MUC4: variants seen among roughly 807,000 people sequenced by gnomAD.
The protein encoded by MUC4 is mucin-4.
In MUC4, 202 loss-of-function variants were observed where a neutral mutation model predicts 257.9. That is an observed-to-expected ratio of 0.78 (90% confidence interval 0.70 to 0.88). MUC4 has a LOEUF of 0.88. Ranked by LOEUF, MUC4 falls within the 40% of genes least tolerant of loss-of-function variation. The pLI, the probability that MUC4 is intolerant of heterozygous loss-of-function variation, is 0.00. For missense variants in MUC4, 5,976 were observed against 6,513.7 expected (o/e 0.92, Z 2.84); for synonymous variants, 2,351 against 2,757.1 (o/e 0.85, Z 4.62).
intron 18 of MUC4, among the ~76,000 whole-genome samples, 154 bp from the exon 19 acceptor site, chr3:195,754,526 G>GT (rs1182463652): frequency 2.0e-5 from 3 of 152,242 alleles, no homozygotes; most frequent in Non-Finnish European, 4.4e-5. Flanking sequence ...TGACCAGGCC[G>GT]TGGGGCGGCA....
At position 195,786,509 on chromosome 3, in the gene MUC4, T is replaced by G; in HGVS notation, c.5071A>C (p.Thr1691Pro). The change falls in exon 2 of 25, where the codon ACA becomes CCA. Residue 1691 changes from threonine to proline, a missense_variant. Coordinates refer to ENST00000463781, the MANE Select transcript of MUC4 (RefSeq NM_018406.7). The stretch of plus-strand genomic sequence containing the variant: ...ACAGGAAGACGGGTGGTGTCATCTG[T>G]GGTAGCTGAGGAAAGGCCGGTGACA... ...LPVTGLSSAT[T>P]DDTTRLPVTD... 3 of 1,525,828 alleles carry G rather than the reference T, an allele frequency of 2.0e-6. No homozygotes were observed. The highest frequency in any genetic ancestry group is 2.5e-5 in the East Asian group (1 of 40,050). 94.5% of individuals were successfully genotyped at this position (1,525,828 alleles called of 1,614,324 possible).
rs377194680 is a variant in MUC4 at position 195,761,076 on chromosome 3, G to A, written c.14656C>T (p.Gln4886Ter). ...ACAGGGGTGAAGTTGGAAGGCAGCT[G>A]GTCATTCCTCTTGCCAAGGAGGCCT... is the stretch of plus-strand genomic sequence containing the variant. ...GTGLLGKRND[Q>*]LPSNFTPVFY... is the part of the protein sequence containing the mutation. Residue 4886 changes from glutamine to a stop codon, truncating the protein, a stop_gained, in exon 16 of 25, where the codon CAG becomes TAG. Transcript: ENST00000463781. LOFTEE classifies it high-confidence loss of function. 6 of 1,614,092 alleles carry A rather than the reference G, an allele frequency of 3.7e-6. No individual in the cohort carries two copies. In the East Asian group the frequency reaches 8.9e-5, roughly 24 times the overall value.
In MUC4 at chr3:195,769,646, T is replaced by C. The variant is rs143234947; in HGVS notation, c.13399-494A>G. On this transcript the variant is annotated intron_variant, in intron 6 of 24. Transcript: ENST00000463781. The stretch of plus-strand genomic sequence containing the variant: ...AACTTTTGTCGAGTGAATGAAGAAA[T>C]GAGTGACTTTAGACCAGGCATAAGG... 3.4e-3 allele frequency: 559 copies of C among 162,998 alleles called. 2 individuals are homozygous for C. The highest frequency in any genetic ancestry group is 5.9e-3 in the Non-Finnish European group (439 of 74,664). The allele number at this position is 162,998 out of a possible 1,614,324, so 10.1% of individuals were successfully genotyped here. A position where few individuals can be genotyped will look rare whatever the true frequency, so the allele number is the denominator to read the frequency against.
At chr3:195,760,749 T>G (rs1718709589) in intron 16 of MUC4, 135 bp downstream of exon 16, 1 of 742,988 alleles carries the variant, frequency 1.3e-6, no homozygotes, top group Admixed American at 2.2e-5. Context: ...CTGAAGGGTT[T>G]GAGCAGAGGA....
In MUC4 at chr3:195,753,190, A is replaced by G. The variant is rs201120166; in HGVS notation, c.15369T>C (p.Pro5123=). ...GGCCTTGATTGTAGCAGTAATTCACAGGGCAGGACTGGTTCTGACACAGGA... is the reference window on the plus strand; with the variant it reads ...GGCCTTGATTGTAGCAGTAATTCACGGGGCAGGACTGGTTCTGACACAGGA... The part of the protein sequence containing the change: ...SSFLCQNQSC[P]VNYCYNQGHC... The change falls in exon 20 of 25, where the codon CCT becomes CCC. Residue 5123 remains proline (P), a synonymous_variant. Transcript: ENST00000463781. The G allele has an allele frequency of 1.2e-5, 19 of 1,613,708 alleles. No individual in the cohort carries two copies. The African/African-American group carries it at 1.9e-4, about 16-fold the overall frequency.
intron 3 of MUC4, among the ~76,000 whole-genome samples, chr3:195,775,813 G>A (rs563551133): frequency 4.6e-4 from 3 of 6,454 alleles, no homozygotes; most frequent in South Asian, 4.5e-3. Context: ...TACCTTCCAC[G>A]GCCATACCTT....
chr3:195,771,432 G>GGGTA, intron 5 of MUC4, among the ~76,000 whole-genome samples: 1 of 151,646 alleles, frequency 6.6e-6, no homozygotes, highest in Non-Finnish European at 1.5e-5. Flanking sequence ...CAGTCTCGTG[G>GGGTA]TTGGGTTGGG....
chr3:195,781,309 GGGGTGGCGTGACCTGTGGA>G lies in MUC4; in HGVS notation c.10252_10270del (p.Ser3418LeufsTer835), dbSNP rs1727790215. On this transcript the variant is annotated frameshift_variant, in exon 2 of 25. Transcript: ENST00000463781. LOFTEE classifies it high-confidence loss of function. Reference sequence around the variant, plus strand: ...TGAGGAAGTGCTGGTGACAGGAAGAGGGGTGGCGTGACCTGTGGATGCTGAGGAAGGGCTAGTGACAGGA... The same window carrying G: ...TGAGGAAGTGCTGGTGACAGGAAGAGTGCTGAGGAAGGGCTAGTGACAGGA... 2 of 1,431,362 alleles carry G rather than the reference GGGGTGGCGTGACCTGTGGA, an allele frequency of 1.4e-6. No individual in the cohort carries two copies. The highest frequency in any genetic ancestry group is 2.9e-5 in the African/African-American group (2 of 69,300). The allele number at this position is 1,431,362 out of a possible 1,614,324, so 88.7% of individuals were successfully genotyped here. A position where few individuals can be genotyped will look rare whatever the true frequency, so the allele number is the denominator to read the frequency against.
At chr3:195,771,598 G>T (rs1046397115) in intron 5 of MUC4, 54 bp downstream of exon 5, 6 of 1,584,852 alleles carry the variant, frequency 3.8e-6, no homozygotes, top group Admixed American at 3.5e-5. Flanking sequence ...ACAGCTCTTT[G>T]TCTCCCCTGC....
rs755712690 is a variant in MUC4, at chr3:195,788,243, C to A, written c.3337G>T (p.Val1113Leu). 1.4e-6 allele frequency: 2 copies of A among 1,469,026 alleles called. No homozygotes were observed. The highest frequency in any genetic ancestry group is 6.3e-5 in the East Asian group (2 of 31,882). 91.0% of individuals were successfully genotyped at this position (1,469,026 alleles called of 1,614,324 possible). Reference sequence around the variant, plus strand: ...AGAGGGGTGGTGTGACCTGTGGATACTGAGGAAGTGTCGGTGACAGGAAGA... The same window carrying A: ...AGAGGGGTGGTGTGACCTGTGGATAATGAGGAAGTGTCGGTGACAGGAAGA... The part of the protein sequence containing the change: ...TSLPVTDTSS[V>L]STGHTTPLPV... The change falls in exon 2 of 25, where the codon GTA becomes TTA. Residue 1113 changes from valine (V) to leucine (L), a missense_variant. Transcript: ENST00000463781.
At chr3:195,751,922 T>G (rs1321856369) in intron 21 of MUC4, 1 of 210,824 alleles carries the variant, frequency 4.7e-6, no homozygotes, top group East Asian at 1.0e-4. Context: ...TTAGCACACC[T>G]GCTCTAGTGA....
intron 13 of MUC4, among the ~76,000 whole-genome samples, 171 bp from the exon 14 acceptor site, chr3:195,762,425 G>A (rs993247935): frequency 6.8e-6 from 1 of 146,272 alleles, no homozygotes; most frequent in African/African-American, 2.5e-5. Context: ...CCGCTCGGGG[G>A]TAGAGGCTGC....
chr3:195,799,260 T>TGTGTGTGTGTGTGAGA (rs1553889795), intron 1 of MUC4, among the ~76,000 whole-genome samples: 1,709 of 149,198 alleles, frequency 0.011, 15 homozygotes, highest in Middle Eastern at 0.024. Flanking sequence ...TGTGTGTGTG[T>TGTGTGTGTGTGTGAGA]GACACTGTGT....
At chr3:195,795,315 T>C (rs1274388045) in intron 1 of MUC4, among the ~76,000 whole-genome samples, 1 of 152,166 alleles carries the variant, frequency 6.6e-6, no homozygotes, top group Non-Finnish European at 1.5e-5. Flanking sequence ...CTAAAATCAG[T>C]GTCAGCAGCA....
At position 195,789,331 on chromosome 3, in the gene MUC4, C is replaced by T. The variant is rs1733552270; in HGVS notation, c.2249G>A (p.Gly750Asp). 4.3e-6 allele frequency: 7 copies of T among 1,613,864 alleles called. No homozygotes were observed. Among genetic ancestry groups the T allele is most frequent in the Non-Finnish European group, 5.9e-6 (7 of 1,179,872 alleles). Residue 750 changes from glycine (G) to aspartate (D), a missense_variant, in exon 2 of 25, where the codon GGC (glycine) becomes GAC (aspartate). By Grantham distance (94) the Gly-to-Asp change is moderately conservative. Around this residue, in one of 44 missense-constraint regions of MUC4, gnomAD observed 1,583 missense variants for 1,257.4 expected, o/e 1.26. Transcript: ENST00000463781. ...GGCTGATGTCCATTGTCCTTCTGGG[C>T]CCCCTGGTGTTGACACTACAGAGTT... Reference protein sequence around the residue: ...LANSVVSTPGGPEGQWTSASA... With the variant: ...LANSVVSTPGDPEGQWTSASA...
rs1471012594 is a variant in MUC4, at chr3:195,782,452, A to G, written c.9128T>C (p.Val3043Ala). ...ASTGHATPLPVTDTSSASTGH... is the reference protein window; with the variant it reads ...ASTGHATPLPATDTSSASTGH... Reference sequence around the variant, plus strand: ...TGTGGATGCTGAGGAAGTGTCGGTGACAGGAAGCGGGGTGGCGTGACCGGT... The same window carrying G: ...TGTGGATGCTGAGGAAGTGTCGGTGGCAGGAAGCGGGGTGGCGTGACCGGT... The change falls in exon 2 of 25, where the codon GTC (valine) becomes GCC (alanine). Residue 3043 changes from valine (V) to alanine (A), a missense_variant. Val to Ala is a moderately conservative substitution (Grantham distance 64). This residue lies in a region of MUC4 where 52 missense variants were observed against 102.2 expected (regional missense o/e 0.51). Coordinates refer to ENST00000463781, the MANE Select transcript of MUC4 (RefSeq NM_018406.7). The G allele has an allele frequency of 6.8e-7, 1 of 1,476,272 alleles. No homozygotes were observed. Among genetic ancestry groups the G allele is most frequent in the East Asian group, 2.7e-5 (1 of 36,788 alleles). The allele number at this position is 1,476,272 out of a possible 1,614,324, so 91.4% of individuals were successfully genotyped here.
intron 4 of MUC4, among the ~76,000 whole-genome samples, chr3:195,773,259 C>T (rs1474343080): frequency 1.4e-5 from 2 of 145,144 alleles, no homozygotes. Context: ...CTCTCTCCAT[C>T]GCTCAGGGGT....
In MUC4 at chr3:195,780,013, G is replaced by A; in HGVS notation, c.11567C>T (p.Pro3856Leu). ...TGAGGAAGGGCTAGTGACAGGAAGA[G>A]GCATGGTGTCACCTGTGGATACTGA... Reference protein sequence around the residue: ...PSSVSTGDTMPLPVTSPSSAS... With the variant: ...PSSVSTGDTMLLPVTSPSSAS... The change falls in exon 2 of 25, where the codon CCT (proline) becomes CTT (leucine). Residue 3856 changes from proline to leucine, a missense_variant. This residue lies in a region of MUC4 where 330 missense variants were observed against 262.0 expected (regional missense o/e 1.26). Transcript: ENST00000463781. 1 of 1,346,430 alleles carries A rather than the reference G, an allele frequency of 7.4e-7. No individual in the cohort carries two copies. The highest frequency in any genetic ancestry group is 9.9e-7 in the Non-Finnish European group (1 of 1,011,188). 83.4% of individuals were successfully genotyped at this position (1,346,430 alleles called of 1,614,324 possible).
At position 195,783,990 on chromosome 3, in the gene MUC4, A is replaced by C. The variant is rs1560349694; in HGVS notation, c.7590T>G (p.Pro2530=). The change falls in exon 2 of 25, where the codon CCT becomes CCG. Residue 2530 remains proline, a synonymous_variant. Coordinates refer to ENST00000463781, the MANE Select transcript of MUC4 (RefSeq NM_018406.7). The part of the protein sequence containing the change: ...SASTGDTTPL[P]VTNASSLSTR... ...TGGATAATGAGGAAGCATTGGTGAC[A>C]GGAAGAGGGGTGGTGTCACCTGTGG... The C allele has an allele frequency of 6.5e-6, 10 of 1,534,924 alleles. No individual in the cohort carries two copies. Among genetic ancestry groups the C allele is most frequent in the Non-Finnish European group, 8.8e-6 (10 of 1,141,950 alleles).
Sources: allele counts gnomAD v4.1 joint callset (sites outside exome capture counted in the v4.1 genomes callset), GRCh38; gene constraint gnomAD v4.1.1; regional missense constraint gnomAD v4.1.1; transcripts MANE v1.5; gene names NCBI Gene and HGNC (gene_info 2026-07-23, HGNC 2026-07-21).